Variants in GRM1 observed in about 807,000 individuals in gnomAD.
GRM1 encodes the protein glutamate metabotropic receptor 1.
In GRM1, 33 loss-of-function variants were observed where a neutral mutation model predicts 90.9. That is an observed-to-expected ratio of 0.36 (90% CI 0.28 to 0.49). The LOEUF is 0.49. Ranked by LOEUF, GRM1 falls within the 20% of genes least tolerant of loss-of-function variation. The pLI is 0.99. For missense variants in GRM1, 1,190 were observed against 1,534.3 expected (o/e 0.78, Z 3.75); for synonymous variants, 700 against 613.2 (o/e 1.14, Z -2.09).
intron 7 of GRM1, among the ~76,000 whole-genome samples, chr6:146,405,710 G>C (rs73785360): frequency 6.6e-6 from 1 of 151,804 alleles, no homozygotes; most frequent in African/African-American, 2.4e-5. Flanking sequence ...TTGTTTGTTT[G>C]TTTGTTTGTT....
At chr6:146,130,210 G>C (rs905039044) in intron 1 of GRM1, among the ~76,000 whole-genome samples, 6 of 151,650 alleles carry the variant, frequency 4.0e-5, no homozygotes, top group African/African-American at 9.7e-5. Context: ...TGAGACTCTA[G>C]ATTTAGTTTT....
At chr6:146,339,608 C>A (rs1784898013) in intron 3 of GRM1, among the ~76,000 whole-genome samples, 1 of 152,138 alleles carries the variant, frequency 6.6e-6, no homozygotes, top group Non-Finnish European at 1.5e-5. Flanking sequence ...GATCATCATC[C>A]TATTGCTGAG....
At chr6:146,137,120 T>C (rs1401010185) in intron 1 of GRM1, among the ~76,000 whole-genome samples, 1 of 152,148 alleles carries the variant, frequency 6.6e-6, no homozygotes, top group South Asian at 2.1e-4. Flanking sequence ...CCCAAAGTGC[T>C]GAGATTACAG....
At chr6:146,308,880 AT>A (rs1353037011) in intron 3 of GRM1, among the ~76,000 whole-genome samples, 30 of 152,188 alleles carry the variant, frequency 2.0e-4, no homozygotes, top group South Asian at 4.1e-4. Context: ...TTGTCGTTAA[AT>A]TCTTTTATTC....
chr6:146,325,368 G>T (rs1784367431), intron 3 of GRM1, among the ~76,000 whole-genome samples: 1 of 152,104 alleles, frequency 6.6e-6, no homozygotes, highest in Non-Finnish European at 1.5e-5. Flanking sequence ...TTCTTGCATG[G>T]GTGTGAGAAA....
intron 1 of GRM1, among the ~76,000 whole-genome samples, chr6:146,089,549 C>T (rs1776649689): frequency 6.6e-6 from 1 of 152,068 alleles, no homozygotes; most frequent in African/African-American, 2.4e-5. Flanking sequence ...CACCCCTACC[C>T]AGATTTTATT....
At chr6:146,267,691 G>GTCTC (rs1307031308) in intron 2 of GRM1, among the ~76,000 whole-genome samples, 7 of 106,398 alleles carry the variant, frequency 6.6e-5, no homozygotes, top group African/African-American at 5.3e-4. Flanking sequence ...GGCTCGGCTC[G>GTCTC]GCTCGGCTCG....
chr6:146,069,216 T>C (rs1775949688), intron 1 of GRM1, among the ~76,000 whole-genome samples: 1 of 152,174 alleles, frequency 6.6e-6, no homozygotes, highest in South Asian at 2.1e-4. Flanking sequence ...TGATCACTTA[T>C]ATTTGGGAGA....
intron 2 of GRM1, among the ~76,000 whole-genome samples, chr6:146,228,394 G>C (rs982690565): frequency 6.6e-6 from 1 of 152,118 alleles, no homozygotes; most frequent in African/African-American, 2.4e-5. Flanking sequence ...CAGGGGTTAG[G>C]CTCACTTTTA....
intron 2 of GRM1, among the ~76,000 whole-genome samples, chr6:146,277,716 CTG>C (rs1345099737): frequency 1.3e-5 from 2 of 152,098 alleles, no homozygotes; most frequent in Non-Finnish European, 2.9e-5. Context: ...TATATTGTAA[CTG>C]TGAATGTTAA....
rs1778205893 is a variant in GRM1 at position 146,173,291 on chromosome 6, G to A, written c.950+13694G>A. On this transcript the variant is annotated intron_variant, in intron 2 of 7. Coordinates refer to ENST00000282753, the MANE Select transcript of GRM1 (RefSeq NM_001278064.2). ...TGTAATCCCAGCTACTCAGGAGGCT[G>A]AGGCAGGAGAATCACTTGAACCCGG... Among the ~76,000 whole-genome samples, 3 of 151,590 alleles carry A rather than the reference G, an allele frequency of 2.0e-5. No individual in the cohort carries two copies. The South Asian group carries it at 6.3e-4, about 32-fold the overall frequency.
chr6:146,338,569 A>G (rs1315945204), intron 3 of GRM1, among the ~76,000 whole-genome samples: 7 of 152,206 alleles, frequency 4.6e-5, no homozygotes, highest in South Asian at 4.1e-4. Context: ...AACACCATCT[A>G]GCAGATAAGG....
In GRM1 at chr6:146,096,866, A is replaced by G. The variant is rs77483357; in HGVS notation, c.701-62482A>G. On this transcript the variant is annotated intron_variant, in intron 1 of 7. Coordinates refer to ENST00000282753, the MANE Select transcript of GRM1 (RefSeq NM_001278064.2). ...CATTTAATGTTATCTACTGAAATACATTTGGGTTTAGTACAGGAAACAGAT... is the reference window on the plus strand; with the variant it reads ...CATTTAATGTTATCTACTGAAATACGTTTGGGTTTAGTACAGGAAACAGAT... 1.9e-4 allele frequency among the ~76,000 whole-genome samples: 29 copies of G among 152,272 alleles called. No individual in the cohort carries two copies. The East Asian group carries it at 5.6e-3, about 29-fold the overall frequency.
Position 146,398,921 on chromosome 6 carries a change from C to T in GRM1, c.1882C>T (p.Arg628Trp). The part of the protein sequence containing the change: ...RDTPVVKSSS[R>W]ELCYIILAGI... ...CACACCAGTGGTCAAATCCTCCAGT[C>T]GGGAGCTCTGCTACATCATCCTAGC... The change falls in exon 7 of 8, where the codon CGG (arginine) becomes TGG (tryptophan). Residue 628 changes from arginine (R) to tryptophan (W), a missense_variant. By Grantham distance (101) the Arg-to-Trp change is moderately radical. Around this residue, in one of 10 missense-constraint regions of GRM1, gnomAD observed 414 missense variants for 598.4 expected, o/e 0.69. Transcript: ENST00000282753. 2 of 1,614,062 alleles carry T rather than the reference C, an allele frequency of 1.2e-6. No homozygotes were observed. The highest frequency in any genetic ancestry group is 1.1e-5 in the South Asian group (1 of 91,068).
intron 7 of GRM1, among the ~76,000 whole-genome samples, chr6:146,422,069 T>C (rs1449661992): frequency 1.3e-5 from 2 of 152,160 alleles, no homozygotes; most frequent in Non-Finnish European, 2.9e-5. Context: ...AGCTGCTGCA[T>C]TATTATTTCC....
intron 3 of GRM1, among the ~76,000 whole-genome samples, chr6:146,323,586 T>C (rs1446457764): frequency 6.6e-6 from 1 of 152,216 alleles, no homozygotes; most frequent in Non-Finnish European, 1.5e-5. Flanking sequence ...GCTGAAGCTC[T>C]TTAGTTTAAT....
At chr6:146,266,508 G>C (rs536494845) in intron 2 of GRM1, among the ~76,000 whole-genome samples, 1 of 151,896 alleles carries the variant, frequency 6.6e-6, no homozygotes. Context: ...ATTGTCTGTC[G>C]TTCTTCAGTC....
At chr6:146,403,107 A>G (rs945026520) in intron 7 of GRM1, among the ~76,000 whole-genome samples, 1 of 152,186 alleles carries the variant, frequency 6.6e-6, no homozygotes, top group Non-Finnish European at 1.5e-5. Context: ...AATAGAAGAA[A>G]ATGAAAATCC....
At chr6:146,403,098 A>G (rs1777215671) in intron 7 of GRM1, among the ~76,000 whole-genome samples, 1 of 152,190 alleles carries the variant, frequency 6.6e-6, no homozygotes, top group East Asian at 1.9e-4. Context: ...TTTATTGGCA[A>G]TAGAAGAAAA....
Sources: allele counts gnomAD v4.1 joint callset (sites outside exome capture counted in the v4.1 genomes callset), GRCh38; gene constraint gnomAD v4.1.1; regional missense constraint gnomAD v4.1.1; transcripts MANE v1.5; gene names NCBI Gene and HGNC (gene_info 2026-07-23, HGNC 2026-07-21).